DNMT3A: variants seen among roughly 807,000 people sequenced by gnomAD.
DNMT3A encodes the protein DNA (cytosine-5)-methyltransferase 3A.
DNMT3A carries 267 observed loss-of-function variants against 117.6 expected under a neutral mutation model. The ratio of observed to expected loss-of-function variants is 2.27; its 90% CI spans 2.05 to 2.51. DNMT3A has a LOEUF of 2.51. DNMT3A is among the 30% of genes most tolerant of loss of function. The probability of loss-of-function intolerance (pLI) is 0.00; values close to 1 mark genes in which losing one functional copy is unlikely to be tolerated. For missense variants in DNMT3A, 1,029 were observed against 1,260.2 expected (o/e 0.82, Z 2.78); for synonymous variants, 432 against 474.8 (o/e 0.91, Z 1.17).
intron 1 of DNMT3A, among the ~76,000 whole-genome samples, chr2:25,328,404 G>A (rs2034869198): frequency 1.3e-5 from 2 of 151,740 alleles, no homozygotes; most frequent in Non-Finnish European, 2.9e-5. Context: ...CTCTCCCACA[G>A]GGCCCACTCA....
Position 25,337,648 on chromosome 2 carries a change from C to T in DNMT3A, c.-178+4178G>A, listed in dbSNP as rs2035263966. Reference sequence around the variant, plus strand: ...GGTGGCGGCACACCACGTACACACACATCATGCACAGACACATGTGCACTG... The same window carrying T: ...GGTGGCGGCACACCACGTACACACATATCATGCACAGACACATGTGCACTG... On this transcript the variant is annotated intron_variant, in intron 1 of 22. Coordinates refer to ENST00000321117, the MANE Select transcript of DNMT3A (RefSeq NM_022552.5). This position sits in a 1 kb window ranked among gnomAD's most constrained non-coding sequence, Gnocchi z 5.0. Among the ~76,000 whole-genome samples the T allele has an allele frequency of 6.6e-6, 1 of 152,260 alleles. No individual in the cohort carries two copies. The highest frequency in any genetic ancestry group is 2.4e-5 in the African/African-American group (1 of 41,480).
In DNMT3A at chr2:25,246,681, C is replaced by T. The variant is rs1356500325; in HGVS notation, c.1218G>A (p.Met406Ile). The T allele has an allele frequency of 6.2e-7, 1 of 1,613,638 alleles. No individual in the cohort carries two copies. Among genetic ancestry groups the T allele is most frequent in the African/African-American group, 1.3e-5 (1 of 74,934 alleles). The change falls in exon 10 of 23, where the codon ATG becomes ATA. Residue 406 changes from methionine (M) to isoleucine (I), a missense_variant. Met to Ile is a conservative substitution (Grantham distance 10). Coordinates refer to ENST00000321117, the MANE Select transcript of DNMT3A (RefSeq NM_022552.5). The stretch of plus-strand genomic sequence containing the variant: ...GGAAGCCCCCCAGGGCCCATTCAAT[C>T]ATGGGCTTGTTCTGCACCTCCACGG... Reference protein sequence around the residue: ...AKAVEVQNKPMIEWALGGFQP... With the variant: ...AKAVEVQNKPIIEWALGGFQP...
chr2:25,341,206 C>T (rs923527199), intron 1 of DNMT3A, among the ~76,000 whole-genome samples: 2 of 144,822 alleles, frequency 1.4e-5, no homozygotes, highest in African/African-American at 4.9e-5. Context: ...CGAGGAGGGC[C>T]GGGCGCCGGG....
intron 6 of DNMT3A, among the ~76,000 whole-genome samples, chr2:25,256,793 C>T (rs1450916637): frequency 6.6e-6 from 1 of 152,196 alleles, no homozygotes; most frequent in Non-Finnish European, 1.5e-5. Context: ...ACCTGCCAGT[C>T]TTTGCCTTGT....
chr2:25,229,515 A>ACTC lies in DNMT3A; in HGVS notation c.*4761_*4763dup, dbSNP rs1446733505. ...CAGCGTGGAGAATACGCAATGACAA[A>ACTC]CTCAGATTACTCACCTCCCGGGACC... is the stretch of plus-strand genomic sequence containing the variant. On this transcript the variant is annotated 3_prime_UTR_variant, in exon 23 of 23. Coordinates refer to ENST00000321117, the MANE Select transcript of DNMT3A (RefSeq NM_022552.5). The ACTC allele has an allele frequency of 6.6e-6, 1 of 152,028 alleles. No individual in the cohort carries two copies. Among genetic ancestry groups the ACTC allele is most frequent in the Non-Finnish European group, 1.5e-5 (1 of 68,012 alleles). 9.4% of individuals were successfully genotyped at this position (152,028 alleles called of 1,614,324 possible). A position where few individuals can be genotyped will look rare whatever the true frequency, so the allele number is the denominator to read the frequency against.
At position 25,305,338 on chromosome 2, in the gene DNMT3A, T is replaced by C. The variant is rs1223314367; in HGVS notation, c.73-5095A>G. Reference sequence around the variant, plus strand: ...TAGGTGGTTCCTCTCTCTAAACATCTGAGGCTACGATCTGACCTACATTTC... The same window carrying C: ...TAGGTGGTTCCTCTCTCTAAACATCCGAGGCTACGATCTGACCTACATTTC... On this transcript the variant is annotated intron_variant, in intron 2 of 22. Coordinates refer to ENST00000321117, the MANE Select transcript of DNMT3A (RefSeq NM_022552.5). The surrounding 1 kb of genome is among the most constrained non-coding windows in gnomAD (Gnocchi z 4.1). 6.6e-6 allele frequency among the ~76,000 whole-genome samples: 1 copy of C among 152,240 alleles called. No homozygotes were observed. Among genetic ancestry groups the C allele is most frequent in the Non-Finnish European group, 1.5e-5 (1 of 68,050 alleles).
In DNMT3A at chr2:25,286,362, C is replaced by A. The variant is rs1053772891; in HGVS notation, c.178-3651G>T. ...AGATGCCCCCAAAGCCAGGTGGGAG[C>A]CGGGCATGCTGGGCAGATGATGGGC... On this transcript the variant is annotated intron_variant, in intron 3 of 22. Transcript: ENST00000321117. The surrounding 1 kb of genome is among the most constrained non-coding windows in gnomAD (Gnocchi z 4.3). Among the ~76,000 whole-genome samples, 7 of 152,218 alleles carry A rather than the reference C, an allele frequency of 4.6e-5. No individual in the cohort carries two copies. Among genetic ancestry groups the A allele is most frequent in the African/African-American group, 1.7e-4 (7 of 41,454 alleles).
intron 3 of DNMT3A, among the ~76,000 whole-genome samples, chr2:25,291,093 G>A (rs1261917748): frequency 6.6e-6 from 1 of 152,182 alleles, no homozygotes; most frequent in Admixed American, 6.5e-5. Context: ...ACAGGACAGA[G>A]GGGTGCAAGG....
In DNMT3A at chr2:25,240,427, CAAAG is replaced by C; in HGVS notation, c.2193_2196del (p.Phe731LeufsTer47). On this transcript the variant is annotated frameshift_variant, in exon 19 of 23. Coordinates refer to ENST00000321117, the MANE Select transcript of DNMT3A (RefSeq NM_022552.5). LOFTEE classifies it high-confidence loss of function. ...GCATCATGCAGGAGGCGGTAGAACT[CAAAG>C]AAGAGCCGGCCAGTGCCCTCTGAGA... 6.2e-7 allele frequency: 1 copy of C among 1,611,208 alleles called. No individual in the cohort carries two copies. The highest frequency in any genetic ancestry group is 8.5e-7 in the Non-Finnish European group (1 of 1,178,638).
intron 3 of DNMT3A, among the ~76,000 whole-genome samples, chr2:25,290,363 C>T (rs1483324805): frequency 6.7e-6 from 1 of 150,338 alleles, no homozygotes; most frequent in African/African-American, 2.5e-5. Flanking sequence ...CTCTGTTCTC[C>T]AGGCTGGAGT....
Position 25,254,860 on chromosome 2 carries a change from T to C in DNMT3A, c.640-6608A>G, listed in dbSNP as rs150035094. On this transcript the variant is annotated intron_variant, in intron 6 of 22. Coordinates refer to ENST00000321117, the MANE Select transcript of DNMT3A (RefSeq NM_022552.5). This position sits in a 1 kb window ranked among gnomAD's most constrained non-coding sequence, Gnocchi z 4.7. ...GTGGTCTTGGGACATAAGACTGCAATGATGCCGTGCGTGCAGCAAGGACTC... is the reference window on the plus strand; with the variant it reads ...GTGGTCTTGGGACATAAGACTGCAACGATGCCGTGCGTGCAGCAAGGACTC... 2.3e-3 allele frequency among the ~76,000 whole-genome samples: 346 copies of C among 152,358 alleles called. 1 individual carries two copies. The highest frequency in any genetic ancestry group is 3.9e-3 in the Non-Finnish European group (267 of 68,046).
intron 2 of DNMT3A, among the ~76,000 whole-genome samples, chr2:25,300,489 C>A (rs2033367725): frequency 6.7e-6 from 1 of 150,102 alleles, no homozygotes; most frequent in Middle Eastern, 3.4e-3. Flanking sequence ...TGCCTGTAAT[C>A]CCAGCACTTT....
At chr2:25,285,081 T>C (rs1232377478) in intron 3 of DNMT3A, among the ~76,000 whole-genome samples, 1 of 152,202 alleles carries the variant, frequency 6.6e-6, no homozygotes, top group Non-Finnish European at 1.5e-5. Flanking sequence ...TCTGTACAGC[T>C]GCGTGTTTCC....
At chr2:25,284,676 G>A (rs373922514) in intron 3 of DNMT3A, among the ~76,000 whole-genome samples, 1,363 of 35,488 alleles carry the variant, frequency 0.038, no homozygotes, top group Middle Eastern at 0.074. Context: ...AAAAAAAAAA[G>A]ACTATACAAA....
intron 4 of DNMT3A, 151 bp from the exon 5 acceptor site, chr2:25,275,694 AC>A: frequency 2.4e-6 from 2 of 823,172 alleles, no homozygotes; most frequent in Non-Finnish European, 3.7e-6. Flanking sequence ...ATGATGGCCC[AC>A]CACATGCCAG....
chr2:25,243,370 G>A (rs1239034106), intron 16 of DNMT3A, among the ~76,000 whole-genome samples: 1 of 151,916 alleles, frequency 6.6e-6, no homozygotes, highest in Non-Finnish European at 1.5e-5. Context: ...TAAATGCAAG[G>A]CAAGTTACAA....
chr2:25,244,568 GC>G lies in DNMT3A; in HGVS notation c.1638del (p.Leu547SerfsTer104). Reference sequence around the variant, plus strand: ...CAGCAGTTGTTGTTTCCGCACATGAGCACCTCACGGCCCCCACAGCAGATGG... The same window carrying G: ...CAGCAGTTGTTGTTTCCGCACATGAGACCTCACGGCCCCCACAGCAGATGG... ...YCTICCGGRE[V>X]LMCGNNNCCR... On this transcript the variant is annotated frameshift_variant, in exon 14 of 23. Coordinates refer to ENST00000321117, the MANE Select transcript of DNMT3A (RefSeq NM_022552.5). LOFTEE classifies it high-confidence loss of function. The G allele has an allele frequency of 6.2e-7, 1 of 1,614,188 alleles. No homozygotes were observed.
chr2:25,322,556 C>T (rs1167346741), intron 1 of DNMT3A, among the ~76,000 whole-genome samples: 2 of 151,870 alleles, frequency 1.3e-5, no homozygotes, highest in East Asian at 1.9e-4. Flanking sequence ...GTAACCCCAA[C>T]CCCCGCTCAC....
At chr2:25,299,651 C>T (rs1455665316) in intron 3 of DNMT3A, among the ~76,000 whole-genome samples, 1 of 152,180 alleles carries the variant, frequency 6.6e-6, no homozygotes, top group African/African-American at 2.4e-5. Context: ...GGAAATGTGG[C>T]CGGGCGCGGT....
Sources: allele counts gnomAD v4.1 joint callset (sites outside exome capture counted in the v4.1 genomes callset), GRCh38; gene constraint gnomAD v4.1.1; non-coding constraint Gnocchi (gnomAD v3.1); transcripts MANE v1.5; gene names NCBI Gene and HGNC (gene_info 2026-07-23, HGNC 2026-07-21).